KAT6B: variants seen among roughly 807,000 people sequenced by gnomAD.
KAT6B encodes the protein histone acetyltransferase KAT6B.
A neutral mutation model predicts 187.5 loss-of-function variants in KAT6B; 10 were observed. That is an observed-to-expected ratio of 0.05 (90% CI 0.03 to 0.09). KAT6B has a LOEUF of 0.09. Ranked by LOEUF, KAT6B falls within the 10% of genes least tolerant of loss-of-function variation. The pLI is 1.00. For synonymous variants in KAT6B, 861 were observed against 926.8 expected, an observed-to-expected ratio of 0.93 and a Z score of 1.29; for missense variants, 1,952 against 2,558.9, an observed-to-expected ratio of 0.76 and a Z score of 5.12.
At chr10:74,871,301 T>A (rs1843940352) in intron 3 of KAT6B, among the ~76,000 whole-genome samples, 1 of 150,120 alleles carries the variant, frequency 6.7e-6, no homozygotes, top group Non-Finnish European at 1.5e-5. Context: ...CAAGTGATTC[T>A]CCTGCCTCAA....
At chr10:74,997,585 T>C (rs1342083328) in intron 13 of KAT6B, among the ~76,000 whole-genome samples, 1 of 151,684 alleles carries the variant, frequency 6.6e-6, no homozygotes, top group Non-Finnish European at 1.5e-5. Context: ...AATTCAAATA[T>C]GAAAAAAAAA....
intron 3 of KAT6B, among the ~76,000 whole-genome samples, chr10:74,901,981 T>C (rs1846432216): frequency 6.6e-6 from 1 of 152,146 alleles, no homozygotes; most frequent in Admixed American, 6.6e-5. Flanking sequence ...GACTGCATAC[T>C]CACTCTGGCT....
At chr10:74,973,631 G>A (rs1449076830) in intron 7 of KAT6B, among the ~76,000 whole-genome samples, 4 of 151,978 alleles carry the variant, frequency 2.6e-5, no homozygotes, top group Non-Finnish European at 5.9e-5. Flanking sequence ...GTATTCTCCC[G>A]CACCTTTATC....
At chr10:74,958,886 A>C (rs1840881884) in intron 3 of KAT6B, among the ~76,000 whole-genome samples, 1 of 151,778 alleles carries the variant, frequency 6.6e-6, no homozygotes, top group African/African-American at 2.4e-5. Context: ...AAAAATATAA[A>C]AATTAGCCGG....
chr10:74,969,816 A>G, intron 5 of KAT6B, 41 bp downstream of exon 5: 1 of 1,386,266 alleles, frequency 7.2e-7, no homozygotes, highest in African/African-American at 1.4e-5. Flanking sequence ...GTAACTCGCT[A>G]ATTTCCAGTG....
chr10:74,848,012 A>G (rs1164156163), intron 3 of KAT6B, among the ~76,000 whole-genome samples: 1 of 148,054 alleles, frequency 6.8e-6, no homozygotes, highest in African/African-American at 2.5e-5. Context: ...TCTGTCTCCC[A>G]GGTTCAAGTG....
At chr10:74,877,338 A>G (rs1844495200) in intron 3 of KAT6B, among the ~76,000 whole-genome samples, 2 of 152,362 alleles carry the variant, frequency 1.3e-5, no homozygotes, top group South Asian at 2.1e-4. Flanking sequence ...AAATGTATCA[A>G]AATAATTTAG....
rs1845360094 is a variant in KAT6B, at chr10:75,020,951, C to G, written c.2861+138C>G. Reference sequence around the variant, plus strand: ...ATCAAACCTTTTCTCCTAAAAATAACACATGAAATGACACTTTTTTACTGG... The same window carrying G: ...ATCAAACCTTTTCTCCTAAAAATAAGACATGAAATGACACTTTTTTACTGG... On this transcript the variant is annotated intron_variant, in intron 14 of 17. Transcript: ENST00000287239. The G allele has an allele frequency of 6.1e-6, 6 of 979,032 alleles. No individual in the cohort carries two copies. The Admixed American group carries it at 1.2e-4, about 19-fold the overall frequency. 60.6% of individuals were successfully genotyped at this position (979,032 alleles called of 1,614,324 possible).
intron 13 of KAT6B, among the ~76,000 whole-genome samples, chr10:75,001,603 T>C (rs1381110226): frequency 1.3e-5 from 2 of 152,230 alleles, no homozygotes; most frequent in Non-Finnish European, 2.9e-5. Context: ...TGCCAGCTAC[T>C]ACTAGTTTTC....
At chr10:74,840,853 T>C (rs536482548) in intron 2 of KAT6B, among the ~76,000 whole-genome samples, 2 of 152,214 alleles carry the variant, frequency 1.3e-5, no homozygotes, top group African/African-American at 2.4e-5. Context: ...CCCAGCTGTT[T>C]TTCAGCAACA....
At chr10:74,870,459 G>T (rs977638335) in intron 3 of KAT6B, among the ~76,000 whole-genome samples, 1 of 152,074 alleles carries the variant, frequency 6.6e-6, no homozygotes, top group Non-Finnish European at 1.5e-5. Flanking sequence ...CAGCAACAAG[G>T]ATGTCTTTAT....
chr10:74,872,578 A>G (rs1462290755), intron 3 of KAT6B, among the ~76,000 whole-genome samples: 2 of 151,950 alleles, frequency 1.3e-5, no homozygotes, highest in East Asian at 3.9e-4. Context: ...GGGTCTCACT[A>G]TGTTACCCAG....
intron 3 of KAT6B, among the ~76,000 whole-genome samples, chr10:74,880,931 T>TC (rs200514772): frequency 1.1e-5 from 1 of 87,936 alleles, no homozygotes; most frequent in South Asian, 4.8e-4. Flanking sequence ...TTACTCTCTC[T>TC]TTTTTTTTTT....
rs958039278 is a variant in KAT6B, at chr10:74,843,401, A to G, written c.544A>G (p.Lys182Glu). ...GGTCAATTATGGGAGCTTAGATGGCAAAGGGGCACCTCAGTATCCCAGTGC... is the reference window on the plus strand; with the variant it reads ...GGTCAATTATGGGAGCTTAGATGGCGAAGGGGCACCTCAGTATCCCAGTGC... ...YRVNYGSLDG[K>E]GAPQYPSAFP... Residue 182 changes from lysine (K) to glutamate (E), a missense_variant, in exon 3 of 18, where the codon AAA (lysine) becomes GAA (glutamate). This residue lies in a region of KAT6B where 218 missense variants were observed against 282.6 expected (regional missense o/e 0.77). Transcript: ENST00000287239. 1.9e-6 allele frequency: 3 copies of G among 1,613,846 alleles called. No individual in the cohort carries two copies. Among genetic ancestry groups the G allele is most frequent in the Non-Finnish European group, 2.5e-6 (3 of 1,179,984 alleles).
intron 3 of KAT6B, among the ~76,000 whole-genome samples, chr10:74,929,668 AC>A (rs1443664110): frequency 6.6e-6 from 1 of 152,208 alleles, no homozygotes; most frequent in Non-Finnish European, 1.5e-5. Flanking sequence ...ATGGCTTCTA[AC>A]GGGCTGCTAG....
intron 3 of KAT6B, among the ~76,000 whole-genome samples, chr10:74,947,199 G>A (rs1840013075): frequency 6.6e-6 from 1 of 152,124 alleles, no homozygotes; most frequent in African/African-American, 2.4e-5. Context: ...GTTTTGCCAT[G>A]TTGGCCAGGC....
chr10:75,013,216 G>C (rs956318435), intron 13 of KAT6B, among the ~76,000 whole-genome samples: 1 of 152,158 alleles, frequency 6.6e-6, no homozygotes, highest in African/African-American at 2.4e-5. Flanking sequence ...AGCAGTCATT[G>C]TTTCTGTGGT....
intron 3 of KAT6B, among the ~76,000 whole-genome samples, chr10:74,956,328 C>T (rs897575149): frequency 6.6e-6 from 1 of 152,188 alleles, no homozygotes; most frequent in South Asian, 2.1e-4. Context: ...CACATGATGT[C>T]ACTTTGTCCC....
At chr10:74,885,083 T>G (rs2132565370) in intron 3 of KAT6B, among the ~76,000 whole-genome samples, 1 of 152,154 alleles carries the variant, frequency 6.6e-6, no homozygotes, top group East Asian at 1.9e-4. Context: ...ATTTATTTAT[T>G]TAGAGACAAG....
Sources: gnomAD v4.1 joint callset for allele counts (sites outside exome capture counted in the v4.1 genomes callset) on GRCh38, gnomAD v4.1.1 for gene constraint, gnomAD v4.1.1 regional missense constraint, MANE v1.5 for transcripts, NCBI Gene and HGNC (gene_info 2026-07-23, HGNC 2026-07-21) for gene names.